The following ZNF470 variants were observed in gnomAD, a reference collection of about 807,000 sequenced individuals.
ZNF470 encodes zinc finger protein 470.
In ZNF470, 13 loss-of-function variants were observed where a neutral mutation model predicts 13.9. The ratio of observed to expected loss-of-function variants is 0.94; its 90% confidence interval spans 0.61 to 1.49. The LOEUF (loss-of-function observed/expected upper bound fraction) is 1.49, where lower values mean the gene tolerates loss of function less well. ZNF470 is among the 40% of genes most tolerant of loss of function. ZNF470 has a pLI of 0.00. For synonymous variants in ZNF470, 293 were observed against 282.9 expected, an observed-to-expected ratio of 1.04 and a Z score of -0.36; for missense variants, 929 against 857.3, an observed-to-expected ratio of 1.08 and a Z score of -1.04.
At position 56,581,353 on chromosome 19, in the gene ZNF470, G is replaced by A. The variant is rs1367479887; in HGVS notation, c.*2770G>A. ...TAACATTCAGTATTGGTGAATGTGT[G>A]GAAACAAGGGAATTCCATTGTTGAT... On this transcript the variant is annotated 3_prime_UTR_variant, in exon 6 of 6. Transcript: ENST00000330619. 1.2e-5 allele frequency: 11 copies of A among 935,194 alleles called. No homozygotes were observed. Among genetic ancestry groups the A allele is most frequent in the Non-Finnish European group, 1.4e-5 (11 of 784,382 alleles). 57.9% of individuals were successfully genotyped at this position (935,194 alleles called of 1,614,324 possible).
chr19:56,568,470 A>G (rs987929708), intron 1 of ZNF470, among the ~76,000 whole-genome samples: 1 of 152,178 alleles, frequency 6.6e-6, no homozygotes, highest in Non-Finnish European at 1.5e-5. Flanking sequence ...GAGGCATTCC[A>G]GCCTTTCTAT....
In ZNF470 at chr19:56,582,270, T is replaced by C. The variant is rs377753568; in HGVS notation, c.*3687T>C. 1.3e-5 allele frequency: 13 copies of C among 985,340 alleles called. No individual in the cohort carries two copies. In the Middle Eastern group the frequency reaches 1.6e-3, roughly 119 times the overall value. The allele number at this position is 985,340 out of a possible 1,614,324, so 61.0% of individuals were successfully genotyped here. On this transcript the variant is annotated 3_prime_UTR_variant, in exon 6 of 6. Transcript: ENST00000330619. Reference sequence around the variant, plus strand: ...GATGGAGAATGCTGAATCCAAAAGGTATATGTAATACTGGTATCTAACTGC... The same window carrying C: ...GATGGAGAATGCTGAATCCAAAAGGCATATGTAATACTGGTATCTAACTGC...
Position 56,574,746 on chromosome 19 carries a change from T to C in ZNF470, c.283+13T>C, listed in dbSNP as rs1343163294. The C allele has an allele frequency of 6.2e-7, 1 of 1,604,170 alleles. No homozygotes were observed. Among genetic ancestry groups the C allele is most frequent in the East Asian group, 2.2e-5 (1 of 44,836 alleles). ...GGCCTGTGCCCAGGTAAGTGGAGGA[T>C]ACCTAGAGATAAAGGAACTGTTCTC... On this transcript the variant is annotated intron_variant, in intron 5 of 5. Coordinates refer to ENST00000330619, the MANE Select transcript of ZNF470 (RefSeq NM_001001668.4).
Position 56,567,592 on chromosome 19 carries a change from T to C in ZNF470, c.-605T>C, listed in dbSNP as rs2044419945. On this transcript the variant is annotated 5_prime_UTR_variant, in exon 1 of 6. Transcript: ENST00000330619. ...GCGGCGGGGGCGGTGTCCTGGTTCC[T>C]GTGTGGGCGGCGGGCGTGAGCGTGC... 3.0e-6 allele frequency: 3 copies of C among 988,274 alleles called. No homozygotes were observed. The highest frequency in any genetic ancestry group is 3.6e-6 in the Non-Finnish European group (3 of 832,572). The allele number at this position is 988,274 out of a possible 1,614,324, so 61.2% of individuals were successfully genotyped here. A position where few individuals can be genotyped will look rare whatever the true frequency, so the allele number is the denominator to read the frequency against.
rs199511599 is a variant in ZNF470 at position 56,577,166 on chromosome 19, A to G, written c.737A>G (p.His246Arg). 1 of 1,613,460 alleles carries G rather than the reference A, an allele frequency of 6.2e-7. No individual in the cohort carries two copies. Among genetic ancestry groups the G allele is most frequent in the East Asian group, 2.2e-5 (1 of 44,886 alleles). The change falls in exon 6 of 6, where the codon CAC (histidine) becomes CGC (arginine). Residue 246 changes from histidine (H) to arginine (R), a missense_variant. Transcript: ENST00000330619. ...AGCAAAATCTCAACCCTTACTCTTC[A>G]CCAAAGAATTCATACAGGAGAGAAA... is the stretch of plus-strand genomic sequence containing the variant. ...IFSKISTLTLHQRIHTGEKPY... is the reference protein window; with the variant it reads ...IFSKISTLTLRQRIHTGEKPY...
intron 3 of ZNF470, among the ~76,000 whole-genome samples, chr19:56,570,765 A>G (rs2044446374): frequency 6.6e-6 from 1 of 152,174 alleles, no homozygotes; most frequent in South Asian, 2.1e-4. Flanking sequence ...AAAGGCAGCA[A>G]ACACTTACGC....
intron 2 of ZNF470, among the ~76,000 whole-genome samples, chr19:56,569,518 G>A (rs546870027): frequency 6.6e-6 from 1 of 152,298 alleles, no homozygotes; most frequent in South Asian, 2.1e-4. Context: ...GACCTAGGTT[G>A]GTGACTAGGT....
At position 56,578,095 on chromosome 19, in the gene ZNF470, C is replaced by T. The variant is rs201576318; in HGVS notation, c.1666C>T (p.Gln556Ter). The change falls in exon 6 of 6, where the codon CAG becomes TAG. Residue 556 changes from glutamine to a stop codon, truncating the protein, a stop_gained. Transcript: ENST00000330619. LOFTEE classifies it low-confidence loss of function (END_TRUNC). Reference sequence around the variant, plus strand: ...TCAGATTGCACACCTTGTTCAGCACCAGAGAGTTCATACTGGTGAGAAGCC... The same window carrying T: ...TCAGATTGCACACCTTGTTCAGCACTAGAGAGTTCATACTGGTGAGAAGCC... ...FSQIAHLVQH[Q>*]RVHTGEKPYE... 3 of 1,613,776 alleles carry T rather than the reference C, an allele frequency of 1.9e-6. No homozygotes were observed. The highest frequency in any genetic ancestry group is 2.5e-6 in the Non-Finnish European group (3 of 1,179,978).
Position 56,578,831 on chromosome 19 carries a change from A to G in ZNF470, c.*248A>G, listed in dbSNP as rs1244508528. ...AAAATATATTAACTAATCCATTTCA[A>G]GGATTTAGCACACACTGGCATATAG... On this transcript the variant is annotated 3_prime_UTR_variant, in exon 6 of 6. Transcript: ENST00000330619. 1.1e-5 allele frequency: 13 copies of G among 1,180,562 alleles called. No individual in the cohort carries two copies. The highest frequency in any genetic ancestry group is 1.3e-5 in the Non-Finnish European group (12 of 949,568). 73.1% of individuals were successfully genotyped at this position (1,180,562 alleles called of 1,614,324 possible). A position where few individuals can be genotyped will look rare whatever the true frequency, so the allele number is the denominator to read the frequency against.
At chr19:56,574,337 A>T in intron 3 of ZNF470, 57 bp from the exon 4 acceptor site, 2 of 1,607,514 alleles carry the variant, frequency 1.2e-6, no homozygotes, top group Non-Finnish European at 1.7e-6. Flanking sequence ...TCTTTACCCT[A>T]GAGCTGCATT....
chr19:56,575,046 T>C (rs919088960), intron 5 of ZNF470, among the ~76,000 whole-genome samples: 9 of 152,200 alleles, frequency 5.9e-5, no homozygotes, highest in Admixed American at 1.3e-4. Flanking sequence ...TGATGTTTAG[T>C]TTTTTGAACT....
chr19:56,576,465 A>G (rs926828590), intron 5 of ZNF470, among the ~76,000 whole-genome samples: 2 of 152,212 alleles, frequency 1.3e-5, no homozygotes, highest in Non-Finnish European at 2.9e-5. Flanking sequence ...GAAATTAGAG[A>G]CAAACCTCAA....
At chr19:56,574,155 A>T in intron 3 of ZNF470, 1 of 671,766 alleles carries the variant, frequency 1.5e-6, no homozygotes, top group Non-Finnish European at 2.4e-6. Flanking sequence ...CGCCACCTAG[A>T]ATTGCAAATG....
chr19:56,576,645 T>C (rs2044490241), intron 5 of ZNF470, 68 bp from the exon 6 acceptor site: 2 of 1,302,824 alleles, frequency 1.5e-6, no homozygotes, highest in Non-Finnish European at 2.0e-6. Context: ...ATTCACATTT[T>C]CATTTTCGAA....
At chr19:56,576,621 T>C (rs567541369) in intron 5 of ZNF470, 92 bp from the exon 6 acceptor site, 1 of 1,089,056 alleles carries the variant, frequency 9.2e-7, no homozygotes, top group African/African-American at 1.6e-5. Flanking sequence ...CTTGTGGGTT[T>C]CAATAACTAT....
rs911449595 is a variant in ZNF470, at chr19:56,567,962, G to C, written c.-235G>C. The C allele has an allele frequency of 2.0e-6, 2 of 985,620 alleles. No homozygotes were observed. Among genetic ancestry groups the C allele is most frequent in the South Asian group, 9.4e-5 (2 of 21,298 alleles). 61.1% of individuals were successfully genotyped at this position (985,620 alleles called of 1,614,324 possible). A position where few individuals can be genotyped will look rare whatever the true frequency, so the allele number is the denominator to read the frequency against. On this transcript the variant is annotated 5_prime_UTR_variant, in exon 1 of 6. Coordinates refer to ENST00000330619, the MANE Select transcript of ZNF470 (RefSeq NM_001001668.4). Reference sequence around the variant, plus strand: ...AAGCATTTCCTGTCAGCCCTATCTGGAAGGGGCAGAGCCCAGGACAGGGCT... The same window carrying C: ...AAGCATTTCCTGTCAGCCCTATCTGCAAGGGGCAGAGCCCAGGACAGGGCT...
chr19:56,575,222 C>G (rs1178372189), intron 5 of ZNF470, among the ~76,000 whole-genome samples: 7 of 151,836 alleles, frequency 4.6e-5, no homozygotes, highest in Non-Finnish European at 1.0e-4. Flanking sequence ...TTATACCACC[C>G]CACCCTTTGA....
intron 4 of ZNF470, 32 bp from the exon 5 acceptor site, chr19:56,574,606 T>G (rs142134286): frequency 3.0e-5 from 48 of 1,612,252 alleles, no homozygotes; most frequent in Non-Finnish European, 4.0e-5. Context: ...TTCCACAGCA[T>G]AGGCAATTTT....
rs558175309 is a variant in ZNF470, at chr19:56,567,508, G to T, written c.-689G>T. Reference sequence around the variant, plus strand: ...CCAAAGCCGGGCGAGTGCACGTCCCGCCGGTTGCTGAGGAGAAGGGAGGTC... The same window carrying T: ...CCAAAGCCGGGCGAGTGCACGTCCCTCCGGTTGCTGAGGAGAAGGGAGGTC... On this transcript the variant is annotated 5_prime_UTR_variant, in exon 1 of 6. Transcript: ENST00000330619. The T allele has an allele frequency of 1.1e-5, 11 of 986,000 alleles. No homozygotes were observed. Among genetic ancestry groups the T allele is most frequent in the East Asian group, 1.1e-4 (1 of 8,818 alleles). The allele number at this position is 986,000 out of a possible 1,614,324, so 61.1% of individuals were successfully genotyped here. A position where few individuals can be genotyped will look rare whatever the true frequency, so the allele number is the denominator to read the frequency against.
Sources: allele counts gnomAD v4.1 joint callset (sites outside exome capture counted in the v4.1 genomes callset), GRCh38; gene constraint gnomAD v4.1.1; transcripts MANE v1.5; gene names NCBI Gene and HGNC (gene_info 2026-07-23, HGNC 2026-07-21).